The following CALN1 variants were observed in gnomAD, a reference collection of about 807,000 sequenced individuals.
CALN1 encodes the protein calcium-binding protein 8.
In CALN1, 17 loss-of-function variants were observed where a neutral mutation model predicts 30.6. The observed-to-expected ratio is 0.56, with a 90% CI of 0.38 to 0.83. The LOEUF is 0.83. Ranked by LOEUF, CALN1 falls within the 40% of genes least tolerant of loss-of-function variation. The pLI is 0.00. For synonymous variants in CALN1, 156 were observed against 131.4 expected, an observed-to-expected ratio of 1.19 and a Z score of -1.28; for missense variants, 291 against 354.9, an observed-to-expected ratio of 0.82 and a Z score of 1.45.
chr7:72,257,058 C>G (rs999899021), intron 3 of CALN1, among the ~76,000 whole-genome samples: 4 of 152,162 alleles, frequency 2.6e-5, no homozygotes, highest in African/African-American at 9.7e-5. Flanking sequence ...TTCCATATGG[C>G]TGGGGAGGCC....
intron 3 of CALN1, among the ~76,000 whole-genome samples, chr7:72,216,579 G>C (rs1792832435): frequency 6.6e-6 from 1 of 152,072 alleles, no homozygotes; most frequent in African/African-American, 2.4e-5. Flanking sequence ...TGGGGCCAGT[G>C]GCTCTCTAAG....
intron 2 of CALN1, among the ~76,000 whole-genome samples, chr7:72,387,216 AGGAAG>A (rs1805266027): frequency 1.2e-5 from 1 of 82,240 alleles, no homozygotes; most frequent in Non-Finnish European, 2.4e-5. Flanking sequence ...GAGGGAAGGA[AGGAAG>A]GGAAGGAAGG....
At chr7:71,858,550 C>T (rs542687267) in intron 5 of CALN1, among the ~76,000 whole-genome samples, 1 of 151,586 alleles carries the variant, frequency 6.6e-6, no homozygotes, top group Non-Finnish European at 1.5e-5. Flanking sequence ...CCCACCTTGC[C>T]CACAAGGAAA....
the CALN1 span, among the ~76,000 whole-genome samples, chr7:72,501,566 G>A: frequency 6.8e-6 from 1 of 148,088 alleles, no homozygotes; most frequent in African/African-American, 2.5e-5. Context: ...GGAGGGAAGA[G>A]AAGAAAGAAC....
At chr7:71,888,432 C>CGA (rs113040770) in intron 5 of CALN1, among the ~76,000 whole-genome samples, 5 of 128,402 alleles carry the variant, frequency 3.9e-5, no homozygotes, top group African/African-American at 1.2e-4. Context: ...AAGCCATTAT[C>CGA]GAGAGAGAGA....
At chr7:72,492,366 C>A in the CALN1 span, among the ~76,000 whole-genome samples, 1 of 152,212 alleles carries the variant, frequency 6.6e-6, no homozygotes, top group Non-Finnish European at 1.5e-5. Flanking sequence ...AGAAGCCAAG[C>A]CTCCTAACTG....
chr7:71,815,169 TC>T (rs1357930143), intron 5 of CALN1, among the ~76,000 whole-genome samples: 1 of 152,138 alleles, frequency 6.6e-6, no homozygotes, highest in Non-Finnish European at 1.5e-5. Flanking sequence ...TGGTAAGGCT[TC>T]CAGTCAACAG....
chr7:72,037,085 T>A (rs552841924), intron 4 of CALN1, among the ~76,000 whole-genome samples: 149 of 152,304 alleles, frequency 9.8e-4, no homozygotes, highest in African/African-American at 3.3e-3. Flanking sequence ...CCTCAAGCCA[T>A]CCTCCCAAAG....
At chr7:72,216,544 C>T (rs932233333) in intron 3 of CALN1, among the ~76,000 whole-genome samples, 2 of 152,110 alleles carry the variant, frequency 1.3e-5, no homozygotes, top group South Asian at 4.2e-4. Context: ...TACCCTGACC[C>T]TAGGGAGGTG....
chr7:72,285,710 G>A (rs1798040271), intron 2 of CALN1, among the ~76,000 whole-genome samples: 1 of 152,148 alleles, frequency 6.6e-6, no homozygotes, highest in South Asian at 2.1e-4. Flanking sequence ...AACATTTGGA[G>A]AAATGCATCT....
chr7:72,083,187 A>G (rs1184799614), intron 4 of CALN1, among the ~76,000 whole-genome samples: 2 of 143,542 alleles, frequency 1.4e-5, no homozygotes, highest in Non-Finnish European at 2.9e-5. Flanking sequence ...AGAAACAGAC[A>G]GAGACTCTGT....
chr7:72,081,234 T>C (rs576153882), intron 4 of CALN1, among the ~76,000 whole-genome samples: 3 of 152,100 alleles, frequency 2.0e-5, no homozygotes, highest in African/African-American at 7.2e-5. Flanking sequence ...AGAAACATAG[T>C]AGAAAGGGTC....
chr7:71,795,361 T>C (rs1455484348), intron 6 of CALN1, among the ~76,000 whole-genome samples: 1 of 152,154 alleles, frequency 6.6e-6, no homozygotes, highest in Non-Finnish European at 1.5e-5. Flanking sequence ...GCCCAAACTT[T>C]TCTTTCCTCT....
chr7:72,312,018 T>C (rs1016170929), intron 2 of CALN1, among the ~76,000 whole-genome samples: 1 of 151,984 alleles, frequency 6.6e-6, no homozygotes, highest in Non-Finnish European at 1.5e-5. Context: ...TCCAGCTGAG[T>C]AAGATCCATG....
intron 3 of CALN1, among the ~76,000 whole-genome samples, chr7:72,191,408 C>T (rs1359714788): frequency 1.3e-5 from 2 of 151,948 alleles, no homozygotes; most frequent in Non-Finnish European, 2.9e-5. Flanking sequence ...TCGAGACCAG[C>T]CTGGCCAACA....
intron 5 of CALN1, among the ~76,000 whole-genome samples, chr7:72,000,147 C>A (rs1001316301): frequency 6.6e-6 from 1 of 151,698 alleles, no homozygotes; most frequent in Non-Finnish European, 1.5e-5. Flanking sequence ...CAAAAAGCTA[C>A]AAAGCAGGTG....
rs1792903716 is a variant in CALN1, at chr7:71,784,883, G to C, written c.*2892C>G. On this transcript the variant is annotated 3_prime_UTR_variant, in exon 7 of 7. Transcript: ENST00000395275. ...CAGCCGTGAGCTTCATAGCCACCATGATGGGGACACTGACTGGCATGGGGC... is the reference window on the plus strand; with the variant it reads ...CAGCCGTGAGCTTCATAGCCACCATCATGGGGACACTGACTGGCATGGGGC... The C allele has an allele frequency of 5.0e-6, 2 of 398,740 alleles. No individual in the cohort carries two copies. The highest frequency in any genetic ancestry group is 7.1e-5 in the East Asian group (2 of 28,078). 24.7% of individuals were successfully genotyped at this position (398,740 alleles called of 1,614,324 possible). A position where few individuals can be genotyped will look rare whatever the true frequency, so the allele number is the denominator to read the frequency against.
intron 3 of CALN1, among the ~76,000 whole-genome samples, chr7:72,168,934 T>C (rs182459295): frequency 9.3e-5 from 14 of 151,310 alleles, no homozygotes; most frequent in Middle Eastern, 3.4e-3. Flanking sequence ...GCCTCCCGAG[T>C]AGCTGGGATT....
chr7:72,395,028 ACCTGATGTGCC>A (rs1805828009), intron 2 of CALN1, among the ~76,000 whole-genome samples: 1 of 152,132 alleles, frequency 6.6e-6, no homozygotes, highest in Non-Finnish European at 1.5e-5. Context: ...TATGTGTGTC[ACCTGATGTGCC>A]CCAGGAACGC....
Sources: allele counts gnomAD v4.1 joint callset (sites outside exome capture counted in the v4.1 genomes callset), GRCh38; gene constraint gnomAD v4.1.1; transcripts MANE v1.5; gene names NCBI Gene and HGNC (gene_info 2026-07-23, HGNC 2026-07-21).